The following TMEM200C variants were observed in gnomAD, a reference collection of about 807,000 sequenced individuals.
TMEM200C encodes transmembrane protein TTMA.
For missense variants in TMEM200C, 966 were observed against 699.9 expected (o/e 1.38, Z -4.29); for synonymous variants, 462 against 324.7 (o/e 1.42, Z -4.55).
chr18:5,883,925 T>C (rs1343163653), exon 3 of TMEM200C: 2 of 152,136 alleles, frequency 1.3e-5, no homozygotes, highest in Admixed American at 6.6e-5. Context: ...TCAGCAAAAA[T>C]CATTCTTGCT....
chr18:5,884,713 A>G (rs2095164124), exon 3 of TMEM200C: 1 of 152,178 alleles, frequency 6.6e-6, no homozygotes, highest in South Asian at 2.1e-4. Flanking sequence ...TGAAAAGGCA[A>G]TTAGCCACAT....
In TMEM200C at chr18:5,891,155, C is replaced by G. The variant is rs2095170430; in HGVS notation, c.909G>C (p.Pro303=). Reference sequence around the variant, plus strand: ...GACAGCGCGGGGAAGAGGCCAGGTCCGGCGGGGACGCGGCGCCCCGAGGGC... The same window carrying G: ...GACAGCGCGGGGAAGAGGCCAGGTCGGGCGGGGACGCGGCGCCCCGAGGGC... Residue 303 remains proline (P), a synonymous_variant, in exon 3 of 3, where the codon CCG becomes CCC. Coordinates refer to ENST00000581347, the Ensembl canonical transcript of TMEM200C. This position sits in a 1 kb window ranked among gnomAD's most constrained non-coding sequence, Gnocchi z 4.7. The G allele has an allele frequency of 1.9e-6, 1 of 527,624 alleles. No individual in the cohort carries two copies. Among genetic ancestry groups the G allele is most frequent in the Non-Finnish European group, 2.9e-6 (1 of 343,022 alleles). 32.7% of individuals were successfully genotyped at this position (527,624 alleles called of 1,614,324 possible). A position where few individuals can be genotyped will look rare whatever the true frequency, so the allele number is the denominator to read the frequency against.
rs1485955020 is a variant in TMEM200C, at chr18:5,891,029, T to TGCG, written c.1032_1034dup (p.Ala347dup). On this transcript the variant is annotated inframe_insertion, in exon 3 of 3. Coordinates refer to ENST00000581347, the Ensembl canonical transcript of TMEM200C. This position sits in a 1 kb window ranked among gnomAD's most constrained non-coding sequence, Gnocchi z 4.7. ...CCGGACTGCTGCAGCTGCTAGCGGC[T>TGCG]GCGGCGGCGGTGGCAGCGGCGGCCC... 1.8e-6 allele frequency: 1 copy of TGCG among 565,112 alleles called. No homozygotes were observed. Among genetic ancestry groups the TGCG allele is most frequent in the African/African-American group, 2.0e-5 (1 of 49,778 alleles). 35.0% of individuals were successfully genotyped at this position (565,112 alleles called of 1,614,324 possible).
chr18:5,884,765 C>T (rs2095164143), exon 3 of TMEM200C: 1 of 152,100 alleles, frequency 6.6e-6, no homozygotes. Flanking sequence ...AAGTCATTTT[C>T]TGATCCGGTT....
chr18:5,890,526 T>C, exon 3 of TMEM200C: 1 of 1,490,424 alleles, frequency 6.7e-7, no homozygotes, highest in Non-Finnish European at 8.9e-7. Flanking sequence ...GGGCGAGCCC[T>C]CCAGCCGCAG....
In TMEM200C at chr18:5,891,953, G is replaced by T. The variant is rs200998948; in HGVS notation, c.111C>A (p.Asn37Lys). Residue 37 changes from asparagine (N) to lysine (K), a missense_variant, in exon 3 of 3, where the codon AAC (asparagine) becomes AAA (lysine). By Grantham distance (94) the Asn-to-Lys change is moderately conservative. Transcript: ENST00000581347. This position sits in a 1 kb window ranked among gnomAD's most constrained non-coding sequence, Gnocchi z 4.7. The stretch of plus-strand genomic sequence containing the variant: ...GCTTGCCTTTCACCACCACCACGTC[G>T]TTCTTGCGCCTCTTCTTGGCTTTCC... 7 of 1,613,858 alleles carry T rather than the reference G, an allele frequency of 4.3e-6. No homozygotes were observed. In the Admixed American group the frequency reaches 6.7e-5, roughly 15 times the overall value.
At chr18:5,892,183 A>AGGGTG (rs2095171967) in intron 2 of TMEM200C, 26 bp from the exon 2 acceptor site, 22 of 1,023,404 alleles carry the variant, frequency 2.1e-5, no homozygotes, top group Non-Finnish European at 3.1e-5. Context: ...AGACAGTCAG[A>AGGGTG]GGGTGTCAGC....
chr18:5,891,821 G>A lies in TMEM200C; in HGVS notation c.243C>T (p.Thr81=). 6.2e-7 allele frequency: 1 copy of A among 1,605,312 alleles called. No homozygotes were observed. The change falls in exon 3 of 3, where the codon ACC becomes ACT. Residue 81 remains threonine, a synonymous_variant. Transcript: ENST00000581347. This position sits in a 1 kb window ranked among gnomAD's most constrained non-coding sequence, Gnocchi z 4.7. ...GCAGCTGCTTACCCCCCTCCCGATT[G>A]GTCCCGGTGGCCTTGGGCCAGTAGC...
chr18:5,889,536 A>T (rs2095167973), exon 3 of TMEM200C: 1 of 152,232 alleles, frequency 6.6e-6, no homozygotes, highest in Admixed American at 6.5e-5. Context: ...GGAATGTAAC[A>T]GTCCATCTAG....
At chr18:5,895,608 C>G (rs960334741) in intron 1 of TMEM200C, 86 bp from the exon 1 acceptor site, 21 of 146,464 alleles carry the variant, frequency 1.4e-4, no homozygotes, top group Admixed American at 2.0e-4. Context: ...GGCGCCCCCC[C>G]CCACGCCGCC....
At chr18:5,890,322 T>A (rs548885837) in exon 3 of TMEM200C, 2 of 1,604,864 alleles carry the variant, frequency 1.2e-6, no homozygotes, top group African/African-American at 2.7e-5. Context: ...CGTGGGTGGC[T>A]CCTGGCTGGC....
At chr18:5,890,100 G>A in exon 3 of TMEM200C, 1 of 1,125,848 alleles carries the variant, frequency 8.9e-7, no homozygotes, top group Admixed American at 2.8e-5. Context: ...TGATGTCCTC[G>A]GATCAGTCCA....
chr18:5,890,010 A>C (rs1373498030), exon 3 of TMEM200C: 2 of 465,650 alleles, frequency 4.3e-6, no homozygotes, highest in African/African-American at 4.0e-5. Context: ...TTGCTTAAAA[A>C]AAAAAATCCT....
At chr18:5,887,117 G>A (rs958695096) in exon 3 of TMEM200C, 1 of 152,110 alleles carries the variant, frequency 6.6e-6, no homozygotes, top group African/African-American at 2.4e-5. Context: ...GTACATGACA[G>A]AAATTCAGGG....
At position 5,891,310 on chromosome 18, in the gene TMEM200C, T is replaced by C. The variant is rs1349088049; in HGVS notation, c.754A>G (p.Ser252Gly). Residue 252 changes from serine to glycine, a missense_variant, in exon 3 of 3, where the codon AGC becomes GGC. By Grantham distance (56) the Ser-to-Gly change is moderately conservative. Transcript: ENST00000581347. This position sits in a 1 kb window ranked among gnomAD's most constrained non-coding sequence, Gnocchi z 4.7. ...TCCAGGCCCCGCGACTGCACGTAGC[T>C]GAGGAAGCCGTTGAGCGGTATGGCC... 20 of 1,408,688 alleles carry C rather than the reference T, an allele frequency of 1.4e-5. No individual in the cohort carries two copies. The highest frequency in any genetic ancestry group is 3.0e-5 in the African/African-American group (2 of 66,342). 87.3% of individuals were successfully genotyped at this position (1,408,688 alleles called of 1,614,324 possible).
At chr18:5,887,276 T>C (rs1286929981) in exon 3 of TMEM200C, 1 of 152,202 alleles carries the variant, frequency 6.6e-6, no homozygotes, top group Non-Finnish European at 1.5e-5. Flanking sequence ...CTATCATCTA[T>C]AAGGCCCTTT....
chr18:5,890,729 C>G (rs754460035), exon 3 of TMEM200C: 3 of 546,050 alleles, frequency 5.5e-6, no homozygotes, highest in South Asian at 2.5e-5. Flanking sequence ...GCGCCGCTAC[C>G]GCGCCCTCGG....
exon 3 of TMEM200C, chr18:5,888,933 C>T (rs1327051068): frequency 6.6e-6 from 1 of 152,262 alleles, no homozygotes; most frequent in Non-Finnish European, 1.5e-5. Flanking sequence ...AATCTGCACT[C>T]TGTCTACAGG....
exon 3 of TMEM200C, chr18:5,890,841 C>T: frequency 1.5e-6 from 1 of 677,772 alleles, no homozygotes; most frequent in South Asian, 1.5e-5. Context: ...CTGGGAGCCG[C>T]GTTCCCCCGG....
Sources: gnomAD v4.1 joint callset for allele counts on GRCh38, gnomAD v4.1.1 for gene constraint, Gnocchi (gnomAD v3.1) non-coding constraint, MANE v1.5 for transcripts, NCBI Gene and HGNC (gene_info 2026-07-23, HGNC 2026-07-21) for gene names.